Variants in SPAG16 observed in about 807,000 individuals in gnomAD.
The protein encoded by SPAG16 is sperm-associated antigen 16 protein.
Under a neutral mutation model 80.4 loss-of-function variants are expected in SPAG16, and 86 were observed. That is an observed-to-expected ratio of 1.07 (90% CI 0.90 to 1.28). The LOEUF (loss-of-function observed/expected upper bound fraction) is 1.28, where lower values mean the gene tolerates loss of function less well. Ranked by LOEUF, SPAG16 falls within the 50% of genes most tolerant of loss-of-function variation. The probability of loss-of-function intolerance (pLI) is 0.00; values close to 1 mark genes in which losing one functional copy is unlikely to be tolerated. For missense variants in SPAG16, 870 were observed against 765.3 expected (o/e 1.14, Z -1.61); for synonymous variants, 294 against 265.9 (o/e 1.11, Z -1.03).
chr2:213,668,381 T>A (rs1258836987), intron 10 of SPAG16, among the ~76,000 whole-genome samples: 1 of 152,088 alleles, frequency 6.6e-6, no homozygotes, highest in African/African-American at 2.4e-5. Context: ...TAAATTCTAT[T>A]AAAACAATTC....
chr2:214,339,521 A>G (rs1379158150), intron 15 of SPAG16, among the ~76,000 whole-genome samples: 1 of 152,194 alleles, frequency 6.6e-6, no homozygotes, highest in South Asian at 2.1e-4. Context: ...ATCCTAGGGA[A>G]TGTTTGATAG....
chr2:214,338,317 C>A (rs1026694811), intron 15 of SPAG16, among the ~76,000 whole-genome samples: 1 of 152,002 alleles, frequency 6.6e-6, no homozygotes, highest in Non-Finnish European at 1.5e-5. Flanking sequence ...GGTTCAAGAC[C>A]AGCCTGGCCA....
rs1052247069 is a variant in SPAG16 at position 213,842,769 on chromosome 2, T to C, written c.1071-19716T>C. Among the ~76,000 whole-genome samples the C allele has an allele frequency of 3.9e-5, 6 of 152,154 alleles. No individual in the cohort carries two copies. The South Asian group carries it at 6.2e-4, about 16-fold the overall frequency. On this transcript the variant is annotated intron_variant, in intron 10 of 15. Transcript: ENST00000331683. ...AAAAACTATGTTTTAGGTGCTATTA[T>C]TATTTTTATCATTTAGAGACAGGAT...
At chr2:213,366,568 T>C (rs1305219575) in intron 8 of SPAG16, among the ~76,000 whole-genome samples, 1 of 152,082 alleles carries the variant, frequency 6.6e-6, no homozygotes, top group African/African-American at 2.4e-5. Flanking sequence ...TATAAAACCA[T>C]CAGATCTTGT....
intron 15 of SPAG16, among the ~76,000 whole-genome samples, chr2:214,155,040 G>T (rs1435259522): frequency 1.3e-5 from 2 of 152,162 alleles, no homozygotes. Flanking sequence ...GGGATGAAGG[G>T]ACTTTTGGCT....
intron 15 of SPAG16, among the ~76,000 whole-genome samples, chr2:214,164,155 G>A (rs1278369640): frequency 1.3e-5 from 2 of 151,968 alleles, no homozygotes; most frequent in East Asian, 3.9e-4. Context: ...TAAAAATAGA[G>A]CAATGAAAAA....
chr2:213,547,292 A>G (rs1464430835), intron 10 of SPAG16, among the ~76,000 whole-genome samples: 1 of 152,128 alleles, frequency 6.6e-6, no homozygotes, highest in East Asian at 1.9e-4. Flanking sequence ...AAAAATAGTC[A>G]TGGTGTATTC....
At chr2:214,172,633 G>A (rs1269324615) in intron 15 of SPAG16, among the ~76,000 whole-genome samples, 2 of 152,010 alleles carry the variant, frequency 1.3e-5, no homozygotes, top group African/African-American at 2.4e-5. Flanking sequence ...GGATGGCTGG[G>A]TCAAATGGTA....
At chr2:213,768,154 G>A (rs1018668595) in intron 10 of SPAG16, among the ~76,000 whole-genome samples, 2 of 152,184 alleles carry the variant, frequency 1.3e-5, no homozygotes, top group Non-Finnish European at 2.9e-5. Flanking sequence ...AGGTAAAGGT[G>A]TACTCTGGGG....
In SPAG16 at chr2:213,552,789, T is replaced by C. The variant is rs571106250; in HGVS notation, c.1070+62699T>C. Reference sequence around the variant, plus strand: ...GGGTGGGCACCATTTAATCAGCTGCTAGCGTGGCTAGGATGAAAGCAGGCA... The same window carrying C: ...GGGTGGGCACCATTTAATCAGCTGCCAGCGTGGCTAGGATGAAAGCAGGCA... On this transcript the variant is annotated intron_variant, in intron 10 of 15. Coordinates refer to ENST00000331683, the MANE Select transcript of SPAG16 (RefSeq NM_024532.5). 5.3e-5 allele frequency among the ~76,000 whole-genome samples: 8 copies of C among 152,220 alleles called. No individual in the cohort carries two copies. In the East Asian group the frequency reaches 1.5e-3, roughly 29 times the overall value.
chr2:214,108,457 ACACACACACACACACACACACAC>A (rs1391281699), intron 14 of SPAG16, among the ~76,000 whole-genome samples, 196 bp downstream of exon 14: 1 of 97,298 alleles, frequency 1.0e-5, no homozygotes, highest in East Asian at 2.9e-4. Context: ...ACACACACAC[ACACACACACACACACACACACAC>A]CCCCACACAC....
chr2:213,420,805 C>G (rs572197254), intron 9 of SPAG16, among the ~76,000 whole-genome samples: 5 of 152,288 alleles, frequency 3.3e-5, no homozygotes, highest in African/African-American at 9.6e-5. Context: ...ATTAATCACT[C>G]TTTTGCATTC....
Position 214,016,641 on chromosome 2 carries a change from C to T in SPAG16, c.1527+2564C>T, listed in dbSNP as rs141349748. Among the ~76,000 whole-genome samples, 18 of 152,214 alleles carry T rather than the reference C, an allele frequency of 1.2e-4. No homozygotes were observed. In the East Asian group the frequency reaches 3.5e-3, roughly 29 times the overall value. The stretch of plus-strand genomic sequence containing the variant: ...AGATAGGAGACAGCATGTTTATTTG[C>T]TTATGGGTAAGATCGGGGAGATGAA... On this transcript the variant is annotated intron_variant, in intron 13 of 15. Transcript: ENST00000331683.
chr2:214,376,726 T>A lies in SPAG16; in HGVS notation c.1721-33414T>A, dbSNP rs188285213. 1.1e-4 allele frequency among the ~76,000 whole-genome samples: 17 copies of A among 152,246 alleles called. No homozygotes were observed. In the East Asian group the frequency reaches 3.3e-3, roughly 29 times the overall value. On this transcript the variant is annotated intron_variant, in intron 15 of 15. Transcript: ENST00000331683. ...CAAGATCTCCCAACGACTTGTCTGT[T>A]TGACCTTTTTGAAAAGGGAAAAGGT...
chr2:213,484,468 T>A (rs1000997511), intron 9 of SPAG16, among the ~76,000 whole-genome samples: 3 of 152,144 alleles, frequency 2.0e-5, no homozygotes, highest in Non-Finnish European at 2.9e-5. Context: ...ATGTGTGAAG[T>A]TTGTCAGCGG....
intron 15 of SPAG16, among the ~76,000 whole-genome samples, chr2:214,166,960 C>T (rs1356905324): frequency 6.6e-6 from 1 of 152,080 alleles, no homozygotes; most frequent in Admixed American, 6.6e-5. Context: ...AAGGACCTCC[C>T]ACATCTAACA....
intron 10 of SPAG16, among the ~76,000 whole-genome samples, chr2:213,536,291 A>G (rs1008809882): frequency 7.2e-5 from 11 of 152,140 alleles, no homozygotes; most frequent in Non-Finnish European, 1.6e-4. Context: ...TTTCATATGG[A>G]TCAACTTAAA....
intron 10 of SPAG16, among the ~76,000 whole-genome samples, chr2:213,553,411 T>A (rs1283078708): frequency 6.6e-6 from 1 of 151,988 alleles, no homozygotes; most frequent in African/African-American, 2.4e-5. Flanking sequence ...ATCAGCATGG[T>A]TCATTGACAG....
chr2:213,930,542 G>T (rs1057323453), intron 12 of SPAG16, among the ~76,000 whole-genome samples: 2 of 152,102 alleles, frequency 1.3e-5, no homozygotes, highest in Admixed American at 1.3e-4. Flanking sequence ...AAATATAACA[G>T]AAATAATTAT....
Sources: gnomAD v4.1 joint callset for allele counts (sites outside exome capture counted in the v4.1 genomes callset) on GRCh38, gnomAD v4.1.1 for gene constraint, MANE v1.5 for transcripts, NCBI Gene and HGNC (gene_info 2026-07-23, HGNC 2026-07-21) for gene names.